GABRA3: variants seen among roughly 807,000 people sequenced by gnomAD.
GABRA3 encodes gamma-aminobutyric acid receptor subunit alpha-3.
GABRA3 carries 10 observed loss-of-function variants against 30.1 expected under a neutral mutation model. The observed-to-expected ratio is 0.33, with a 90% CI of 0.20 to 0.56. GABRA3 has a LOEUF of 0.56. Among genes scored for constraint, GABRA3 ranks in the 20% least tolerant of loss-of-function variants. The pLI is 0.89. For missense variants in GABRA3, 233 were observed against 392.0 expected (o/e 0.59, Z 3.42); for synonymous variants, 151 against 146.8 (o/e 1.03, Z -0.21).
At chrX:152,224,406 G>C (rs1937898290) in intron 6 of GABRA3, among the ~76,000 whole-genome samples, 1 of 111,877 alleles carries the variant, frequency 8.9e-6, no homozygotes, top group Admixed American at 9.5e-5. Context: ...ACCACATTCT[G>C]TTTGACATAT....
At chrX:152,347,126 T>C (rs1940403711) in intron 2 of GABRA3, among the ~76,000 whole-genome samples, 1 of 111,995 alleles carries the variant, frequency 8.9e-6, no homozygotes, top group Admixed American at 9.5e-5. Context: ...AAAGAAAATA[T>C]GATACACGTA....
chrX:152,384,661 T>C (rs1929246946), intron 1 of GABRA3, among the ~76,000 whole-genome samples: 1 of 112,367 alleles, frequency 8.9e-6, no homozygotes, highest in Non-Finnish European at 1.9e-5. Context: ...TGATAAAGCC[T>C]GTACAATAGA....
chrX:152,347,631 T>C (rs909862313), intron 2 of GABRA3, among the ~76,000 whole-genome samples: 1 of 110,979 alleles, frequency 9.0e-6, no homozygotes, highest in Non-Finnish European at 1.9e-5. Context: ...AAATGAAAAA[T>C]TAAACAATTC....
chrX:152,326,146 T>C (rs1452461936), intron 3 of GABRA3, among the ~76,000 whole-genome samples: 3 of 109,969 alleles, frequency 2.7e-5, no homozygotes, highest in African/African-American at 9.9e-5. Flanking sequence ...AGAAGAGAAG[T>C]TTAGAGAAAA....
At chrX:152,406,877 A>G (rs1289628223) in intron 1 of GABRA3, among the ~76,000 whole-genome samples, 1 of 111,872 alleles carries the variant, frequency 8.9e-6, no homozygotes, top group Non-Finnish European at 1.9e-5. Flanking sequence ...CTCAAAAAAT[A>G]AAAAAATTAC....
At chrX:152,371,332 G>A (rs1391839848) in intron 1 of GABRA3, among the ~76,000 whole-genome samples, 1 of 111,219 alleles carries the variant, frequency 9.0e-6, no homozygotes, top group Admixed American at 9.6e-5. Context: ...AAAAGACCAT[G>A]CGCTCTCCTT....
At chrX:152,233,076 T>A (rs766637084) in intron 5 of GABRA3, among the ~76,000 whole-genome samples, 263 of 111,555 alleles carry the variant, frequency 2.4e-3, no homozygotes, top group African/African-American at 8.3e-3. Context: ...TGATAACTAG[T>A]GATGTTGGGC....
intron 1 of GABRA3, among the ~76,000 whole-genome samples, chrX:152,367,248 A>G (rs1928682924): frequency 1.8e-5 from 2 of 111,792 alleles, no homozygotes; most frequent in South Asian, 7.5e-4. Context: ...ATGTCCTGTG[A>G]GTTTACAGTC....
intron 9 of GABRA3, among the ~76,000 whole-genome samples, chrX:152,172,981 C>CAT (rs1491016996): frequency 4.7e-5 from 5 of 105,437 alleles, no homozygotes; most frequent in South Asian, 4.2e-4. Context: ...CACACACACA[C>CAT]ATATATACAC....
intron 9 of GABRA3, among the ~76,000 whole-genome samples, chrX:152,189,077 GA>G (rs1410509272): frequency 2.7e-5 from 3 of 112,209 alleles, no homozygotes; most frequent in African/African-American, 9.7e-5. Context: ...TGGCTAGCTA[GA>G]AATAAGAGGC....
chrX:152,389,371 T>G (rs1440005433), intron 1 of GABRA3: 1 of 111,892 alleles, frequency 8.9e-6, no homozygotes, highest in Middle Eastern at 4.2e-3. Flanking sequence ...TCACAAATAC[T>G]GTGTTATGTG....
At chrX:152,241,777 T>G (rs1938379748) in intron 5 of GABRA3, among the ~76,000 whole-genome samples, 1 of 110,486 alleles carries the variant, frequency 9.1e-6, no homozygotes, top group African/African-American at 3.3e-5. Context: ...TCCAGGTGCG[T>G]CCGTCACCCC....
chrX:152,383,761 GAA>G lies in GABRA3; in HGVS notation c.-26-19167_-26-19166del, dbSNP rs775429282. ...TGCAGCTAACATCATTCTCGACAGC[GAA>G]AAGTTAAAAGTTTTTCCTCTAATAT... is the stretch of plus-strand genomic sequence containing the variant. On this transcript the variant is annotated intron_variant, in intron 1 of 9. Transcript: ENST00000370314. 6.8e-3 allele frequency among the ~76,000 whole-genome samples: 739 copies of G among 108,844 alleles called. 1 individual carries two copies. The highest frequency in any genetic ancestry group is 0.011 in the Non-Finnish European group (598 of 52,527). The allele number at this position is 108,844 out of a possible 115,157, so 94.5% of individuals were successfully genotyped here. A position where few individuals can be genotyped will look rare whatever the true frequency, so the allele number is the denominator to read the frequency against.
chrX:152,335,462 A>T (rs1398643865), intron 3 of GABRA3, among the ~76,000 whole-genome samples: 1 of 111,739 alleles, frequency 8.9e-6, no homozygotes, highest in Non-Finnish European at 1.9e-5. Flanking sequence ...GAAAACTGAA[A>T]GATACATTGG....
chrX:152,227,283 C>CA (rs1249806517), intron 5 of GABRA3, among the ~76,000 whole-genome samples: 3 of 100,096 alleles, frequency 3.0e-5, no homozygotes, highest in Non-Finnish European at 6.0e-5. Context: ...ATCGCAAGGA[C>CA]AAAAAACCAA....
chrX:152,305,226 T>C (rs928825671), intron 3 of GABRA3, among the ~76,000 whole-genome samples: 2 of 110,366 alleles, frequency 1.8e-5, no homozygotes, highest in Non-Finnish European at 3.8e-5. Context: ...TGGGTAGAGA[T>C]GGCACAAAGA....
intron 4 of GABRA3, among the ~76,000 whole-genome samples, chrX:152,266,114 A>G (rs1267084236): frequency 8.9e-6 from 1 of 111,793 alleles, no homozygotes; most frequent in Non-Finnish European, 1.9e-5. Flanking sequence ...AGGAGAAGGG[A>G]ATCCTATATC....
Position 152,168,448 on chromosome X carries a change from G to A in GABRA3, c.1259C>T (p.Ala420Val), listed in dbSNP as rs760912209. The change falls in exon 10 of 10, where the codon GCT becomes GTT. Residue 420 changes from alanine to valine, a missense_variant. Physicochemically the swap from Ala to Val is moderately conservative, Grantham distance 64. Around this residue, in one of 6 missense-constraint regions of GABRA3, gnomAD observed 66 missense variants for 57.1 expected, o/e 1.16. Coordinates refer to ENST00000370314, the MANE Select transcript of GABRA3 (RefSeq NM_000808.4). ...TGGGGTTGAGGAGGCACTGGGAGCAGCGCCCTTGGAGATGGTGGAAAATTC... is the reference window on the plus strand; with the variant it reads ...TGGGGTTGAGGAGGCACTGGGAGCAACGCCCTTGGAGATGGTGGAAAATTC... ...DTEFSTISKG[A>V]APSASSTPTI... The A allele has an allele frequency of 4.0e-5, 49 of 1,210,226 alleles. No individual in the cohort carries two copies. Among genetic ancestry groups the A allele is most frequent in the Non-Finnish European group, 5.4e-5 (48 of 895,178 alleles).
rs1328111664 is a variant in GABRA3, at chrX:152,329,913, C to G, written c.262+15668G>C. On this transcript the variant is annotated intron_variant, in intron 3 of 9. Coordinates refer to ENST00000370314, the MANE Select transcript of GABRA3 (RefSeq NM_000808.4). The stretch of plus-strand genomic sequence containing the variant: ...ACTACCATCAGAGTGAACAGGCAAC[C>G]TACAGAATGGGAGAAAATTTTTACA... Among the ~76,000 whole-genome samples, 8 of 111,663 alleles carry G rather than the reference C, an allele frequency of 7.2e-5. No homozygotes were observed. In the South Asian group the frequency reaches 1.9e-3, roughly 26 times the overall value.
Sources: allele counts gnomAD v4.1 joint callset (sites outside exome capture counted in the v4.1 genomes callset), GRCh38; gene constraint gnomAD v4.1.1; regional missense constraint gnomAD v4.1.1; transcripts MANE v1.5; gene names NCBI Gene and HGNC (gene_info 2026-07-23, HGNC 2026-07-21).